Variants in IFFO2 observed in about 807,000 individuals in gnomAD.
IFFO2 encodes intermediate filament family orphan 2.
IFFO2 carries 19 observed loss-of-function variants against 53.5 expected under a neutral mutation model. The ratio of observed to expected loss-of-function variants is 0.36; its 90% CI spans 0.25 to 0.52. The LOEUF is 0.52. Among genes scored for constraint, IFFO2 ranks in the 20% least tolerant of loss-of-function variants. IFFO2 has a pLI of 0.94. For missense variants in IFFO2, 570 were observed against 727.4 expected (o/e 0.78, Z 2.49); for synonymous variants, 303 against 313.6 (o/e 0.97, Z 0.36).
At chr1:18,912,646 A>C (rs1936058102) in intron 5 of IFFO2, among the ~76,000 whole-genome samples, 1 of 152,196 alleles carries the variant, frequency 6.6e-6, no homozygotes, top group African/African-American at 2.4e-5. Flanking sequence ...GGTGCTGGGC[A>C]CTGGACCAGC....
At chr1:18,933,920 A>AC (rs1936411468) in intron 1 of IFFO2, among the ~76,000 whole-genome samples, 1 of 151,758 alleles carries the variant, frequency 6.6e-6, no homozygotes, top group East Asian at 1.9e-4. Context: ...AAGCAGTAGT[A>AC]CCCCGTACCC....
chr1:18,922,829 C>T (rs1003004127), intron 1 of IFFO2, among the ~76,000 whole-genome samples: 5 of 152,122 alleles, frequency 3.3e-5, no homozygotes, highest in Admixed American at 3.3e-4. Flanking sequence ...TTGCCCACAT[C>T]ACCCAGTATA....
chr1:18,912,111 C>G, intron 5 of IFFO2, 28 bp from the exon 6 acceptor site: 1 of 1,551,240 alleles, frequency 6.4e-7, no homozygotes, highest in South Asian at 1.2e-5. Context: ...GAGGGCATGA[C>G]TGAACAGAAG....
chr1:18,955,045 C>T lies in IFFO2; in HGVS notation c.665+623G>A, dbSNP rs911979100. 8.8e-4 allele frequency among the ~76,000 whole-genome samples: 134 copies of T among 152,300 alleles called. No homozygotes were observed. The Middle Eastern group carries it at 0.01, about 12-fold the overall frequency. ...TGGACCTTACAGAGCTGGAGCAAGA[C>T]GGCAGACACTGGCCCCAGGGGGTAG... On this transcript the variant is annotated intron_variant, in intron 1 of 8. Transcript: ENST00000455833.
At chr1:18,909,233 C>T (rs1186759279) in intron 8 of IFFO2, among the ~76,000 whole-genome samples, 2 of 152,166 alleles carry the variant, frequency 1.3e-5, no homozygotes, top group Non-Finnish European at 2.9e-5. Context: ...AGAGCTGTCC[C>T]TCCCTCTCGT....
intron 7 of IFFO2, among the ~76,000 whole-genome samples, 182 bp from the exon 8 acceptor site, chr1:18,910,654 C>T (rs1174443463): frequency 2.6e-5 from 4 of 152,210 alleles, no homozygotes; most frequent in African/African-American, 2.4e-5. Flanking sequence ...GCACATGGGT[C>T]CACTTCCCCT....
At chr1:18,942,322 G>T (rs1475490031) in intron 1 of IFFO2, among the ~76,000 whole-genome samples, 1 of 152,236 alleles carries the variant, frequency 6.6e-6, no homozygotes, top group East Asian at 1.9e-4. Context: ...AGAGCTCCTT[G>T]TCTGGGGATG....
In IFFO2 at chr1:18,911,491, C is replaced by A. The variant is rs1362923792; in HGVS notation, c.1225-15G>T. The A allele has an allele frequency of 3.4e-6, 4 of 1,166,162 alleles. No homozygotes were observed. The Middle Eastern group carries it at 5.8e-4, about 168-fold the overall frequency. The allele number at this position is 1,166,162 out of a possible 1,614,324, so 72.2% of individuals were successfully genotyped here. ...TTTTCCTCTTGCTGGGGAAATAGAA[C>A]AAACGGGACAGTTTATTTTATTTAT... On this transcript the variant is annotated splice_polypyrimidine_tract_variant and intron_variant, in intron 6 of 8. Transcript: ENST00000455833.
intron 1 of IFFO2, among the ~76,000 whole-genome samples, chr1:18,944,893 G>C (rs1936566797): frequency 6.6e-6 from 1 of 152,152 alleles, no homozygotes; most frequent in Non-Finnish European, 1.5e-5. Context: ...GAGAGGAAAG[G>C]AGAGCAAGAC....
intron 1 of IFFO2, among the ~76,000 whole-genome samples, chr1:18,933,153 C>G (rs565378825): frequency 6.6e-6 from 1 of 152,240 alleles, no homozygotes; most frequent in Non-Finnish European, 1.5e-5. Context: ...CCGGAGCTCT[C>G]GCTGGGGCAG....
intron 5 of IFFO2, among the ~76,000 whole-genome samples, chr1:18,913,935 C>T (rs1011961102): frequency 4.6e-5 from 7 of 152,146 alleles, no homozygotes; most frequent in Non-Finnish European, 1.5e-5. Context: ...GGGTTCACGC[C>T]ATTCTCCTGC....
chr1:18,955,801 C>A lies in IFFO2; in HGVS notation c.532G>T (p.Val178Leu). 1 of 1,534,646 alleles carries A rather than the reference C, an allele frequency of 6.5e-7. No individual in the cohort carries two copies. The highest frequency in any genetic ancestry group is 8.7e-7 in the Non-Finnish European group (1 of 1,147,170). Reference protein sequence around the residue: ...RRTGGGGVETVQGPGVSWVHP... With the variant: ...RRTGGGGVETLQGPGVSWVHP... Reference sequence around the variant, plus strand: ...ACCCACGACACGCCGGGGCCCTGCACGGTCTCCACGCCGCCGCCGCCCGTG... The same window carrying A: ...ACCCACGACACGCCGGGGCCCTGCAAGGTCTCCACGCCGCCGCCGCCCGTG... Residue 178 changes from valine to leucine, a missense_variant, in exon 1 of 9, where the codon GTG becomes TTG. Transcript: ENST00000455833.
chr1:18,934,698 T>G (rs1449500859), intron 1 of IFFO2, among the ~76,000 whole-genome samples: 1 of 152,162 alleles, frequency 6.6e-6, no homozygotes, highest in African/African-American at 2.4e-5. Flanking sequence ...CTTCCCAACT[T>G]TTTCTTATGA....
chr1:18,940,562 CGGAT>C (rs142740984), intron 1 of IFFO2, among the ~76,000 whole-genome samples: 29,683 of 148,248 alleles, frequency 0.2, 3,415 homozygotes, highest in African/African-American at 0.33. Context: ...GATGGACAAA[CGGAT>C]GGATGGATGG....
At chr1:18,945,847 G>C (rs767814526) in intron 1 of IFFO2, among the ~76,000 whole-genome samples, 1 of 152,212 alleles carries the variant, frequency 6.6e-6, no homozygotes, top group South Asian at 2.1e-4. Flanking sequence ...TGCCATCCAC[G>C]CAACATGACC....
chr1:18,943,209 A>G (rs1009021607), intron 1 of IFFO2, among the ~76,000 whole-genome samples: 7 of 151,996 alleles, frequency 4.6e-5, no homozygotes, highest in African/African-American at 1.7e-4. Flanking sequence ...CTCAACAAAA[A>G]TTATTTTTTT....
chr1:18,926,639 C>G (rs1475151371), intron 1 of IFFO2, among the ~76,000 whole-genome samples: 1 of 152,102 alleles, frequency 6.6e-6, no homozygotes, highest in Non-Finnish European at 1.5e-5. Flanking sequence ...ACGTGAGGGA[C>G]GAGAAGTCTC....
At chr1:18,946,028 A>G (rs1422258314) in intron 1 of IFFO2, among the ~76,000 whole-genome samples, 2 of 152,106 alleles carry the variant, frequency 1.3e-5, no homozygotes, top group Non-Finnish European at 1.5e-5. Flanking sequence ...TTTCTGTCCA[A>G]CCTCCCGTCC....
At chr1:18,948,433 C>A (rs1288410430) in intron 1 of IFFO2, among the ~76,000 whole-genome samples, 1 of 152,266 alleles carries the variant, frequency 6.6e-6, no homozygotes, top group African/African-American at 2.4e-5. Context: ...GACCACATCG[C>A]AGGCAAACCC....
Sources: allele counts gnomAD v4.1 joint callset (sites outside exome capture counted in the v4.1 genomes callset), GRCh38; gene constraint gnomAD v4.1.1; transcripts MANE v1.5; gene names NCBI Gene and HGNC (gene_info 2026-07-23, HGNC 2026-07-21).